Variants in ADAMTSL1 observed in about 807,000 individuals in gnomAD.
ADAMTSL1 encodes the protein ADAMTS-like protein 1.
A neutral mutation model predicts 201.8 loss-of-function variants in ADAMTSL1; 126 were observed. The ratio of observed to expected loss-of-function variants is 0.62; its 90% CI spans 0.54 to 0.72. The LOEUF (loss-of-function observed/expected upper bound fraction) is 0.72. Ranked by LOEUF, ADAMTSL1 falls within the 30% of genes least tolerant of loss-of-function variation. The probability of loss-of-function intolerance (pLI) is 0.00; values close to 1 mark genes in which losing one functional copy is unlikely to be tolerated. For synonymous variants in ADAMTSL1, 1,121 were observed against 903.4 expected (o/e 1.24, Z -4.32); for missense variants, 2,679 against 2,277.8 (o/e 1.18, Z -3.59).
At chr9:18,672,947 C>G (rs541641230) in intron 9 of ADAMTSL1, among the ~76,000 whole-genome samples, 1 of 152,118 alleles carries the variant, frequency 6.6e-6, no homozygotes, top group Admixed American at 6.5e-5. Flanking sequence ...ATGTTACTGC[C>G]CAGTGTAAGA....
chr9:18,793,048 T>C (rs1284039587), intron 19 of ADAMTSL1, among the ~76,000 whole-genome samples: 1 of 152,236 alleles, frequency 6.6e-6, no homozygotes, highest in African/African-American at 2.4e-5. Context: ...TCCCTCACAA[T>C]GTTTCAGCTC....
At chr9:18,510,727 C>G (rs1346807875) in intron 2 of ADAMTSL1, among the ~76,000 whole-genome samples, 2 of 151,564 alleles carry the variant, frequency 1.3e-5, no homozygotes, top group African/African-American at 4.8e-5. Flanking sequence ...TCTAGTATCG[C>G]TAAGTAGAAT....
chr9:18,358,458 C>G (rs1488384254), intron 2 of ADAMTSL1, among the ~76,000 whole-genome samples: 1 of 152,058 alleles, frequency 6.6e-6, no homozygotes, highest in Non-Finnish European at 1.5e-5. Flanking sequence ...GCAACCATAA[C>G]CACTAATTCC....
At chr9:18,866,763 C>T (rs544690013) in intron 23 of ADAMTSL1, among the ~76,000 whole-genome samples, 63 of 152,298 alleles carry the variant, frequency 4.1e-4, no homozygotes, top group Admixed American at 6.5e-4. Flanking sequence ...TTAAAGAAGG[C>T]AGAAGTATAT....
intron 2 of ADAMTSL1, among the ~76,000 whole-genome samples, chr9:18,364,412 G>A (rs1836673734): frequency 6.6e-6 from 1 of 152,108 alleles, no homozygotes; most frequent in South Asian, 2.1e-4. Flanking sequence ...TGTTGATAAT[G>A]CCTCAGGGGT....
intron 15 of ADAMTSL1, among the ~76,000 whole-genome samples, chr9:18,739,713 G>A (rs971295843): frequency 1.3e-5 from 2 of 152,232 alleles, no homozygotes; most frequent in African/African-American, 4.8e-5. Flanking sequence ...CACTCCCCAC[G>A]TCAACACCCT....
At chr9:18,393,615 T>G (rs942980126) in intron 2 of ADAMTSL1, among the ~76,000 whole-genome samples, 3 of 152,220 alleles carry the variant, frequency 2.0e-5, no homozygotes, top group African/African-American at 7.2e-5. Flanking sequence ...CCTAGTAACC[T>G]TCTACCCTGT....
At chr9:18,712,151 A>T (rs1163853386) in intron 14 of ADAMTSL1, among the ~76,000 whole-genome samples, 1 of 152,178 alleles carries the variant, frequency 6.6e-6, no homozygotes, top group Non-Finnish European at 1.5e-5. Context: ...TGGGGAAAAA[A>T]ACAGAACAGA....
intron 6 of ADAMTSL1, among the ~76,000 whole-genome samples, chr9:18,636,866 GT>G (rs1213189708): frequency 1.3e-5 from 2 of 151,504 alleles, no homozygotes; most frequent in South Asian, 4.2e-4. Context: ...CACTGTGATT[GT>G]TCCTGGGTTT....
At chr9:18,126,629 TA>T (rs1285618148) in intron 1 of ADAMTSL1, among the ~76,000 whole-genome samples, 1 of 152,188 alleles carries the variant, frequency 6.6e-6, no homozygotes, top group African/African-American at 2.4e-5. Context: ...AAACTACAAA[TA>T]TTTAATTTTG....
chr9:18,253,103 G>A (rs915378269), intron 2 of ADAMTSL1, among the ~76,000 whole-genome samples: 1 of 152,182 alleles, frequency 6.6e-6, no homozygotes, highest in Non-Finnish European at 1.5e-5. Context: ...TTTCTATGAT[G>A]TAGATGTCAT....
At chr9:18,546,276 T>G (rs1299258041) in intron 3 of ADAMTSL1, among the ~76,000 whole-genome samples, 1 of 152,126 alleles carries the variant, frequency 6.6e-6, no homozygotes, top group East Asian at 1.9e-4. Context: ...AATATGGTCA[T>G]CACAGTGGGA....
chr9:18,159,859 T>C (rs1014844979), intron 1 of ADAMTSL1, among the ~76,000 whole-genome samples: 5 of 152,088 alleles, frequency 3.3e-5, no homozygotes, highest in Non-Finnish European at 7.4e-5. Flanking sequence ...TTTGAGTTTC[T>C]GACTGCATCC....
intron 1 of ADAMTSL1, among the ~76,000 whole-genome samples, chr9:18,087,234 G>T (rs1210114965): frequency 6.6e-6 from 1 of 151,848 alleles, no homozygotes; most frequent in South Asian, 2.1e-4. Flanking sequence ...GCCAGAAGTT[G>T]TTCATGTTTA....
chr9:18,375,158 T>C (rs1027797675), intron 2 of ADAMTSL1, among the ~76,000 whole-genome samples: 2 of 152,212 alleles, frequency 1.3e-5, no homozygotes, highest in Admixed American at 6.5e-5. Flanking sequence ...AGACAACTCA[T>C]GGAGCTCTTC....
At chr9:18,369,751 T>C (rs1479323905) in intron 2 of ADAMTSL1, among the ~76,000 whole-genome samples, 1 of 152,152 alleles carries the variant, frequency 6.6e-6, no homozygotes, top group African/African-American at 2.4e-5. Flanking sequence ...TCAACCTAAG[T>C]GTCCATCAAT....
intron 2 of ADAMTSL1, among the ~76,000 whole-genome samples, chr9:18,245,701 C>CTT (rs562482883): frequency 1.4e-5 from 2 of 143,482 alleles, no homozygotes; most frequent in Non-Finnish European, 3.1e-5. Context: ...ACAGTCCCTC[C>CTT]TTTTTTTTTT....
chr9:18,880,315 T>A (rs1828448565), intron 23 of ADAMTSL1, among the ~76,000 whole-genome samples: 1 of 152,218 alleles, frequency 6.6e-6, no homozygotes, highest in Admixed American at 6.5e-5. Flanking sequence ...TATTTACTTT[T>A]CCCAGATCCA....
At chr9:18,365,378 T>C (rs1247218230) in intron 2 of ADAMTSL1, among the ~76,000 whole-genome samples, 1 of 152,148 alleles carries the variant, frequency 6.6e-6, no homozygotes, top group Admixed American at 6.5e-5. Flanking sequence ...CATTCATATG[T>C]AGAAAAACTA....
Sources: gnomAD v4.1 joint callset for allele counts (sites outside exome capture counted in the v4.1 genomes callset) on GRCh38, gnomAD v4.1.1 for gene constraint, MANE v1.5 for transcripts, NCBI Gene and HGNC (gene_info 2026-07-23, HGNC 2026-07-21) for gene names.